The following FAM13A variants were observed in gnomAD, a reference collection of about 807,000 sequenced individuals.
FAM13A encodes the protein family with sequence similarity 13 member A.
In FAM13A, 76 loss-of-function variants were observed where a neutral mutation model predicts 129.6. That is an observed-to-expected ratio of 0.59 (90% CI 0.49 to 0.71). The LOEUF is 0.71. FAM13A is among the 30% of genes least tolerant of loss of function. FAM13A has a pLI of 0.00. For missense variants in FAM13A, 1,108 were observed against 1,249.3 expected (o/e 0.89, Z 1.70); for synonymous variants, 443 against 449.9 (o/e 0.98, Z 0.20).
intron 1 of FAM13A, among the ~76,000 whole-genome samples, chr4:89,031,840 T>C (rs901937428): frequency 4.6e-5 from 7 of 152,306 alleles, no homozygotes; most frequent in Admixed American, 4.6e-4. Flanking sequence ...ATAAAATAAC[T>C]TTATATGTAC....
chr4:88,916,100 T>C (rs994771377), intron 5 of FAM13A, among the ~76,000 whole-genome samples: 3 of 152,168 alleles, frequency 2.0e-5, no homozygotes, highest in African/African-American at 7.2e-5. Context: ...CCCCTAACTA[T>C]GTGATGCCCT....
chr4:88,785,200 GATA>G (rs1338150323), intron 10 of FAM13A, among the ~76,000 whole-genome samples: 2 of 151,990 alleles, frequency 1.3e-5, no homozygotes, highest in South Asian at 2.1e-4. Context: ...CAAAATAATA[GATA>G]ATAATATAAA....
intron 4 of FAM13A, among the ~76,000 whole-genome samples, chr4:88,942,262 T>C (rs1337502554): frequency 2.0e-5 from 3 of 152,194 alleles, no homozygotes; most frequent in East Asian, 3.9e-4. Flanking sequence ...GTTATTCTAA[T>C]TGACATTTAG....
At chr4:88,925,557 G>A (rs1270497240) in intron 5 of FAM13A, among the ~76,000 whole-genome samples, 1 of 131,010 alleles carries the variant, frequency 7.6e-6, no homozygotes, top group Admixed American at 8.1e-5. Context: ...GACTGTTGTG[G>A]GGTGGGGGGA....
At chr4:88,730,726 A>G (rs1281992140) in intron 23 of FAM13A, among the ~76,000 whole-genome samples, 1 of 152,130 alleles carries the variant, frequency 6.6e-6, no homozygotes, top group East Asian at 1.9e-4. Flanking sequence ...TTTCATTTAA[A>G]CTTGGCAATT....
At chr4:88,915,677 G>C (rs530673350) in intron 5 of FAM13A, among the ~76,000 whole-genome samples, 1 of 152,172 alleles carries the variant, frequency 6.6e-6, no homozygotes, top group Admixed American at 6.5e-5. Flanking sequence ...TCATTGTCAA[G>C]TGCTATGGTT....
At chr4:88,878,014 C>T (rs937276798) in intron 6 of FAM13A, among the ~76,000 whole-genome samples, 5 of 151,950 alleles carry the variant, frequency 3.3e-5, no homozygotes, top group African/African-American at 4.8e-5. Context: ...TTTGGCTGGG[C>T]GCGGTGGCTC....
intron 6 of FAM13A, among the ~76,000 whole-genome samples, chr4:88,889,700 C>A (rs553326534): frequency 6.6e-6 from 1 of 152,032 alleles, no homozygotes; most frequent in Non-Finnish European, 1.5e-5. Context: ...ACTTTGCACA[C>A]GCCTTCTATC....
At chr4:88,791,548 G>C (rs542381800) in intron 8 of FAM13A, among the ~76,000 whole-genome samples, 1 of 152,208 alleles carries the variant, frequency 6.6e-6, no homozygotes, top group African/African-American at 2.4e-5. Flanking sequence ...TCCTTTAAAA[G>C]AAGAGGTTAA....
chr4:88,981,355 G>A (rs1247999545), intron 4 of FAM13A, among the ~76,000 whole-genome samples: 2 of 152,148 alleles, frequency 1.3e-5, no homozygotes, highest in Non-Finnish European at 2.9e-5. Flanking sequence ...CGAGGCTTTG[G>A]TCCGTGCATC....
chr4:88,820,515 G>A (rs1731690684), intron 7 of FAM13A, among the ~76,000 whole-genome samples: 1 of 152,176 alleles, frequency 6.6e-6, no homozygotes, highest in East Asian at 1.9e-4. Context: ...TTTAGGAAAT[G>A]AAAGCATCAA....
At chr4:88,839,611 G>T (rs918063278) in intron 7 of FAM13A, among the ~76,000 whole-genome samples, 3 of 152,208 alleles carry the variant, frequency 2.0e-5, no homozygotes, top group African/African-American at 7.2e-5. Flanking sequence ...TTTTGGCTGG[G>T]CACAGTGGCT....
chr4:88,980,198 A>C lies in FAM13A; in HGVS notation c.605+10775T>G, dbSNP rs577951976. ...TCTTTAGTCATGTGAGCATGCAGAGAAAACAAGATGAAGGCACATAAGCTG... is the reference window on the plus strand; with the variant it reads ...TCTTTAGTCATGTGAGCATGCAGAGCAAACAAGATGAAGGCACATAAGCTG... On this transcript the variant is annotated intron_variant, in intron 4 of 23. Coordinates refer to ENST00000264344, the MANE Select transcript of FAM13A (RefSeq NM_014883.4). 4.6e-5 allele frequency among the ~76,000 whole-genome samples: 7 copies of C among 152,330 alleles called. No homozygotes were observed. The South Asian group carries it at 8.3e-4, about 18-fold the overall frequency.
At chr4:88,801,296 CAATTAAAAATTAACCAAA>C (rs1337843303) in intron 8 of FAM13A, among the ~76,000 whole-genome samples, 2 of 152,090 alleles carry the variant, frequency 1.3e-5, no homozygotes, top group African/African-American at 4.8e-5. Flanking sequence ...CAGGCTCTAG[CAATTAAAAATTAACCAAA>C]TTAGAAACAG....
chr4:88,919,300 G>T (rs755249509), intron 5 of FAM13A, among the ~76,000 whole-genome samples: 1 of 152,174 alleles, frequency 6.6e-6, no homozygotes, highest in Non-Finnish European at 1.5e-5. Flanking sequence ...AAAAAGGAAT[G>T]CACAGAATTG....
intron 8 of FAM13A, among the ~76,000 whole-genome samples, chr4:88,799,802 G>A (rs1459082777): frequency 1.3e-5 from 2 of 152,270 alleles, no homozygotes; most frequent in South Asian, 2.1e-4. Context: ...CCACTGCTGA[G>A]TATATACCCA....
Position 88,747,958 on chromosome 4 carries a change from C to T in FAM13A, c.2162-107G>A, listed in dbSNP as rs951675630. On this transcript the variant is annotated intron_variant, in intron 17 of 23. Transcript: ENST00000264344. ...AGGTTGGAGTGCAGTGGCACGATCT[C>T]GGCTCACTGCAAGCTCCGCCTCCTG... 41 of 747,754 alleles carry T rather than the reference C, an allele frequency of 5.5e-5. 1 individual carries two copies. The Admixed American group carries it at 6.7e-4, about 12-fold the overall frequency. 46.3% of individuals were successfully genotyped at this position (747,754 alleles called of 1,614,324 possible). A position where few individuals can be genotyped will look rare whatever the true frequency, so the allele number is the denominator to read the frequency against.
Position 89,057,162 on chromosome 4 carries a change from T to C in FAM13A, c.-198A>G, listed in dbSNP as rs763541952. Reference sequence around the variant, plus strand: ...TGCTTCTCTTTCCGCTGAACCCACATGGCTGGAAGGACTGCCTGGAGTTGA... The same window carrying C: ...TGCTTCTCTTTCCGCTGAACCCACACGGCTGGAAGGACTGCCTGGAGTTGA... On this transcript the variant is annotated 5_prime_UTR_variant, in exon 1 of 24. It removes an upstream start codon present in the reference 5' UTR. Transcript: ENST00000264344. 7 of 1,427,036 alleles carry C rather than the reference T, an allele frequency of 4.9e-6. No individual in the cohort carries two copies. The highest frequency in any genetic ancestry group is 6.4e-6 in the Non-Finnish European group (7 of 1,092,198). 88.4% of individuals were successfully genotyped at this position (1,427,036 alleles called of 1,614,324 possible). A position where few individuals can be genotyped will look rare whatever the true frequency, so the allele number is the denominator to read the frequency against.
intron 7 of FAM13A, among the ~76,000 whole-genome samples, chr4:88,827,380 C>G (rs1000987236): frequency 5.9e-5 from 9 of 152,202 alleles, no homozygotes; most frequent in Non-Finnish European, 1.2e-4. Context: ...GGGCTGGATC[C>G]TGACTTCACC....
Sources: gnomAD v4.1 joint callset for allele counts (sites outside exome capture counted in the v4.1 genomes callset) on GRCh38, gnomAD v4.1.1 for gene constraint, MANE v1.5 for transcripts, NCBI Gene and HGNC (gene_info 2026-07-23, HGNC 2026-07-21) for gene names.